CDC42: variants seen among roughly 807,000 people sequenced by gnomAD.
CDC42 encodes cell division control protein 42 homolog.
In CDC42, 1 loss-of-function variant was observed where a neutral mutation model predicts 20.8. That is an observed-to-expected ratio of 0.05 (90% CI 0.02 to 0.23). The LOEUF (loss-of-function observed/expected upper bound fraction) is 0.23. Among genes scored for constraint, CDC42 ranks in the 10% least tolerant of loss-of-function variants. The pLI is 1.00. For missense variants in CDC42, 49 were observed against 227.9 expected (o/e 0.21, Z 5.05); for synonymous variants, 72 against 84.8 (o/e 0.85, Z 0.83).
Position 22,099,240 on chromosome 1 carries a change from G to T in CDC42, c.*7723G>T, listed in dbSNP as rs538905385. Among the ~76,000 whole-genome samples the T allele has an allele frequency of 1.3e-5, 2 of 152,370 alleles. No individual in the cohort carries two copies. The highest frequency in any genetic ancestry group is 3.9e-4 in the East Asian group (2 of 5,180). Reference sequence around the variant, plus strand: ...TATTAATCACATCCAGGAGGGCTCTGCCCTAACTGCTGAGAATCATAAAAG... The same window carrying T: ...TATTAATCACATCCAGGAGGGCTCTTCCCTAACTGCTGAGAATCATAAAAG... On this transcript the variant is annotated 3_prime_UTR_variant, in exon 6 of 6. Transcript: ENST00000656825.
Position 22,091,916 on chromosome 1 carries a change from C to T in CDC42, c.*399C>T, listed in dbSNP as rs1270905411. 1 of 152,212 alleles carries T rather than the reference C, an allele frequency of 6.6e-6. No homozygotes were observed. The highest frequency in any genetic ancestry group is 1.4e-5 in the Non-Finnish European group (1 of 69,522). The allele number at this position is 152,212 out of a possible 1,614,324, so 9.4% of individuals were successfully genotyped here. ...CACTCTGGAGAGTAATCTGGGACAT[C>T]TTAGTGTTTTGTTTTGTTTTTTTCC... is the stretch of plus-strand genomic sequence containing the variant. On this transcript the variant is annotated 3_prime_UTR_variant, in exon 6 of 6. Coordinates refer to ENST00000656825, the MANE Select transcript of CDC42 (RefSeq NM_001791.4).
intron 1 of CDC42, chr1:22,053,519 T>A (rs2501274): frequency 1.3e-5 from 2 of 152,132 alleles, no homozygotes; most frequent in Admixed American, 1.3e-4. Flanking sequence ...GTTACCTAAC[T>A]ACCTCCCGAA....
chr1:22,060,623 TGAA>T (rs569363942), intron 1 of CDC42, among the ~76,000 whole-genome samples: 22 of 152,202 alleles, frequency 1.4e-4, no homozygotes, highest in African/African-American at 4.6e-4. Flanking sequence ...TAAAAGCAGA[TGAA>T]GAGGAGTGGG....
At chr1:22,079,418 C>T (rs532921986) in intron 2 of CDC42, among the ~76,000 whole-genome samples, 28 of 152,074 alleles carry the variant, frequency 1.8e-4, no homozygotes, top group South Asian at 4.1e-4. Context: ...GGATTACAGG[C>T]GTGAGCCACC....
chr1:22,083,567 T>C (rs1384072893), intron 3 of CDC42, among the ~76,000 whole-genome samples: 1 of 151,976 alleles, frequency 6.6e-6, no homozygotes, highest in Non-Finnish European at 1.5e-5. Context: ...ATTCTGCCAC[T>C]GCCCTCCAGC....
chr1:22,078,892 T>TTC, intron 2 of CDC42: 1 of 1,249,376 alleles, frequency 8.0e-7, no homozygotes, highest in Non-Finnish European at 1.0e-6. Flanking sequence ...GTGACTTTTT[T>TTC]TTTTTTTTTT....
chr1:22,070,891 C>T (rs1645482794), intron 1 of CDC42, among the ~76,000 whole-genome samples: 1 of 152,148 alleles, frequency 6.6e-6, no homozygotes, highest in Admixed American at 6.6e-5. Flanking sequence ...ATAAATGACC[C>T]TGTCTCCTTT....
rs150558595 is a variant in CDC42 at position 22,091,791 on chromosome 1, G to GT, written c.*275dup. The stretch of plus-strand genomic sequence containing the variant: ...TCAAAAAAAAAATTTTTGTGTGTGT[G>GT]TGTTTTTTTTTTTTTTTTTTTTGTT... On this transcript the variant is annotated 3_prime_UTR_variant, in exon 6 of 6. Coordinates refer to ENST00000656825, the MANE Select transcript of CDC42 (RefSeq NM_001791.4). 8,549 of 77,674 alleles carry GT rather than the reference G, an allele frequency of 0.11. 518 individuals carry two copies. Among genetic ancestry groups the GT allele is most frequent in the Admixed American group, 0.14 (700 of 5,000 alleles). 4.8% of individuals were successfully genotyped at this position (77,674 alleles called of 1,614,324 possible).
intron 2 of CDC42, among the ~76,000 whole-genome samples, chr1:22,079,089 C>A (rs548279971): frequency 6.6e-6 from 1 of 151,598 alleles, no homozygotes; most frequent in East Asian, 1.9e-4. Flanking sequence ...TTCGAGAACA[C>A]CAACAGAGTC....
rs960768831 is a variant in CDC42 at position 22,099,810 on chromosome 1, T to C, written c.*8293T>C. On this transcript the variant is annotated 3_prime_UTR_variant, in exon 6 of 6. Coordinates refer to ENST00000656825, the MANE Select transcript of CDC42 (RefSeq NM_001791.4). The stretch of plus-strand genomic sequence containing the variant: ...TGTTTATTCTCTACATGGCACTCTT[T>C]TAAGCCTTTGTGTGAATTAACTCAG... Among the ~76,000 whole-genome samples, 5 of 152,190 alleles carry C rather than the reference T, an allele frequency of 3.3e-5. No individual in the cohort carries two copies. Among genetic ancestry groups the C allele is most frequent in the Non-Finnish European group, 5.9e-5 (4 of 68,026 alleles).
chr1:22,075,210 C>T (rs994642198), intron 1 of CDC42, among the ~76,000 whole-genome samples: 2 of 152,154 alleles, frequency 1.3e-5, no homozygotes, highest in Non-Finnish European at 2.9e-5. Flanking sequence ...CAACGGTAGC[C>T]TCCTATAGTT....
chr1:22,080,058 C>G (rs1645592620), intron 2 of CDC42, among the ~76,000 whole-genome samples: 1 of 152,172 alleles, frequency 6.6e-6, no homozygotes, highest in Non-Finnish European at 1.5e-5. Context: ...AAGTTCCCAT[C>G]TATGAGTTGG....
At chr1:22,054,859 C>T (rs1645277879) in intron 1 of CDC42, among the ~76,000 whole-genome samples, 1 of 119,418 alleles carries the variant, frequency 8.4e-6, no homozygotes, top group South Asian at 2.8e-4. Context: ...TTGTATCTTT[C>T]CTTTTAGAAA....
chr1:22,055,095 A>C, intron 1 of CDC42, among the ~76,000 whole-genome samples: 1 of 150,464 alleles, frequency 6.6e-6, no homozygotes, highest in Non-Finnish European at 1.5e-5. Flanking sequence ...CTGGGACTAC[A>C]GGCGCCCGCC....
chr1:22,071,103 G>T (rs1473658831), intron 1 of CDC42, among the ~76,000 whole-genome samples: 1 of 135,498 alleles, frequency 7.4e-6, no homozygotes. Flanking sequence ...GAGTGCAGTG[G>T]CGCGGTCTCG....
chr1:22,080,095 AT>A (rs1249974015), intron 2 of CDC42, among the ~76,000 whole-genome samples: 1 of 152,210 alleles, frequency 6.6e-6, no homozygotes, highest in African/African-American at 2.4e-5. Context: ...AGTAATAGAA[AT>A]TCAGAGCTGG....
chr1:22,058,011 A>G (rs1352290853), intron 1 of CDC42, among the ~76,000 whole-genome samples: 1 of 152,160 alleles, frequency 6.6e-6, no homozygotes, highest in Non-Finnish European at 1.5e-5. Flanking sequence ...AACAGGCGTG[A>G]GCCGCTGCAT....
chr1:22,081,052 C>T (rs934796518), intron 2 of CDC42, among the ~76,000 whole-genome samples: 30 of 152,074 alleles, frequency 2.0e-4, no homozygotes, highest in African/African-American at 7.2e-4. Flanking sequence ...ACCTGTAGTC[C>T]CAGCTACTCA....
At chr1:22,082,167 C>A (rs17837981) in intron 3 of CDC42, among the ~76,000 whole-genome samples, 250 of 150,394 alleles carry the variant, frequency 1.7e-3, no homozygotes, top group African/African-American at 4.9e-3. Flanking sequence ...CTGATTCTCT[C>A]CCTTCACCCC....
Sources: gnomAD v4.1 joint callset for allele counts (sites outside exome capture counted in the v4.1 genomes callset) on GRCh38, gnomAD v4.1.1 for gene constraint, MANE v1.5 for transcripts, NCBI Gene and HGNC (gene_info 2026-07-23, HGNC 2026-07-21) for gene names.